The following SSRP1 variants were observed in gnomAD, a reference collection of about 807,000 sequenced individuals.
SSRP1 encodes FACT complex subunit SSRP1.
SSRP1 carries 21 observed loss-of-function variants against 84.4 expected under a neutral mutation model. That is an observed-to-expected ratio of 0.25 (90% confidence interval 0.18 to 0.36). The LOEUF (loss-of-function observed/expected upper bound fraction) is 0.36, where lower values mean the gene tolerates loss of function less well. Among genes scored for constraint, SSRP1 ranks in the 10% least tolerant of loss-of-function variants. SSRP1 has a pLI of 1.00. For missense variants in SSRP1, 519 were observed against 900.8 expected (o/e 0.58, Z 5.43); for synonymous variants, 319 against 318.3 (o/e 1.00, Z -0.02).
In SSRP1 at chr11:57,332,187, T is replaced by C. The variant is rs2230648; in HGVS notation, c.966A>G (p.Val322=). ...EMVSRVMKAL[V]NRKITVPGNF... is the part of the protein sequence containing the mutation. ...TGCCTGGCACTGTGATCTTGCGGTTTACCAGTGCTTTCATGACCCGGCTGA... is the reference window on the plus strand; with the variant it reads ...TGCCTGGCACTGTGATCTTGCGGTTCACCAGTGCTTTCATGACCCGGCTGA... Residue 322 remains valine (V), a synonymous_variant, in exon 8 of 17, where the codon GTA becomes GTG. Transcript: ENST00000278412. This position sits in a 1 kb window ranked among gnomAD's most constrained non-coding sequence, Gnocchi z 5.5. 67,530 of 1,613,868 alleles carry C rather than the reference T, an allele frequency of 0.042. 1,612 individuals carry two copies. The highest frequency in any genetic ancestry group is 0.044 in the South Asian group (4,018 of 91,066).
At position 57,335,430 on chromosome 11, in the gene SSRP1, C is replaced by T. The variant is rs1856195069; in HGVS notation, c.-119-190G>A. On this transcript the variant is annotated intron_variant, in intron 1 of 16. Transcript: ENST00000278412. The surrounding 1 kb of genome is among the most constrained non-coding windows in gnomAD (Gnocchi z 4.6). ...GGGTGGAGAACCGGGCCCGGAATAC[C>T]GCTGACACCCAACCCGACGCCCGCT... 1 of 355,788 alleles carries T rather than the reference C, an allele frequency of 2.8e-6. No individual in the cohort carries two copies. The highest frequency in any genetic ancestry group is 2.1e-5 in the African/African-American group (1 of 47,998). The allele number at this position is 355,788 out of a possible 1,614,324, so 22.0% of individuals were successfully genotyped here.
intron 13 of SSRP1, 74 bp from the exon 14 acceptor site, chr11:57,327,956 C>T (rs1856017316): frequency 1.3e-6 from 2 of 1,548,750 alleles, no homozygotes; most frequent in Non-Finnish European, 1.8e-6. Flanking sequence ...TTATTTAGAT[C>T]ACTTAACTTG....
intron 8 of SSRP1, 92 bp from the exon 9 acceptor site, chr11:57,331,981 G>T: frequency 6.7e-7 from 1 of 1,492,784 alleles, no homozygotes; most frequent in South Asian, 1.2e-5. Context: ...TCATGTCCTC[G>T]ACTAAGTAAA....
chr11:57,332,031 G>C lies in SSRP1; in HGVS notation c.1001+121C>G. Reference sequence around the variant, plus strand: ...TCTGACAGAGGCGCTGGCACCTATTGTGACACAAGGTCCCATCCAGGCCTC... The same window carrying C: ...TCTGACAGAGGCGCTGGCACCTATTCTGACACAAGGTCCCATCCAGGCCTC... On this transcript the variant is annotated intron_variant, in intron 8 of 16. Coordinates refer to ENST00000278412, the MANE Select transcript of SSRP1 (RefSeq NM_003146.3). The surrounding 1 kb of genome is among the most constrained non-coding windows in gnomAD (Gnocchi z 5.5). 1.9e-6 allele frequency: 3 copies of C among 1,549,774 alleles called. No individual in the cohort carries two copies. Among genetic ancestry groups the C allele is most frequent in the Non-Finnish European group, 1.8e-6 (2 of 1,140,358 alleles).
In SSRP1 at chr11:57,335,363, A is replaced by G. The variant is rs893386617; in HGVS notation, c.-119-123T>C. The G allele has an allele frequency of 8.2e-6, 4 of 490,506 alleles. No individual in the cohort carries two copies. The Admixed American group carries it at 1.3e-4, about 16-fold the overall frequency. The allele number at this position is 490,506 out of a possible 1,614,324, so 30.4% of individuals were successfully genotyped here. Reference sequence around the variant, plus strand: ...CAGGATTTCCTCTGCCTGGAAACCTACAGACGGACGCTGCAGTGCCCGAGG... The same window carrying G: ...CAGGATTTCCTCTGCCTGGAAACCTGCAGACGGACGCTGCAGTGCCCGAGG... On this transcript the variant is annotated intron_variant, in intron 1 of 16. Transcript: ENST00000278412. The surrounding 1 kb of genome is among the most constrained non-coding windows in gnomAD (Gnocchi z 4.6).
At chr11:57,327,622 G>A in intron 14 of SSRP1, 90 bp downstream of exon 14, 1 of 1,598,664 alleles carries the variant, frequency 6.3e-7, no homozygotes, top group East Asian at 2.2e-5. Flanking sequence ...GGCTCATACT[G>A]CTCCCCTATC....
chr11:57,334,937 A>G, intron 2 of SSRP1, 131 bp downstream of exon 2: 1 of 1,053,538 alleles, frequency 9.5e-7, no homozygotes, highest in Non-Finnish European at 1.5e-6. Context: ...GTTGGTGGAG[A>G]CACTAGGTAC....
Position 57,326,364 on chromosome 11 carries a change from G to A in SSRP1, c.*43C>T. 6.3e-7 allele frequency: 1 copy of A among 1,588,552 alleles called. No homozygotes were observed. The highest frequency in any genetic ancestry group is 8.6e-7 in the Non-Finnish European group (1 of 1,157,660). ...GTACCAAAATATGGGTGGGGAGTCGGGGGGTGTGAGAAGGCAAGCGCAAAG... is the reference window on the plus strand; with the variant it reads ...GTACCAAAATATGGGTGGGGAGTCGAGGGGTGTGAGAAGGCAAGCGCAAAG... On this transcript the variant is annotated 3_prime_UTR_variant, in exon 17 of 17. Coordinates refer to ENST00000278412, the MANE Select transcript of SSRP1 (RefSeq NM_003146.3).
In SSRP1 at chr11:57,335,352, C is replaced by T; in HGVS notation, c.-119-112G>A. Reference sequence around the variant, plus strand: ...CCTGGATGTCTCAGGATTTCCTCTGCCTGGAAACCTACAGACGGACGCTGC... The same window carrying T: ...CCTGGATGTCTCAGGATTTCCTCTGTCTGGAAACCTACAGACGGACGCTGC... On this transcript the variant is annotated intron_variant, in intron 1 of 16. Coordinates refer to ENST00000278412, the MANE Select transcript of SSRP1 (RefSeq NM_003146.3). This position sits in a 1 kb window ranked among gnomAD's most constrained non-coding sequence, Gnocchi z 4.6. 2 of 516,608 alleles carry T rather than the reference C, an allele frequency of 3.9e-6. No individual in the cohort carries two copies. Among genetic ancestry groups the T allele is most frequent in the Non-Finnish European group, 7.1e-6 (2 of 281,786 alleles). 32.0% of individuals were successfully genotyped at this position (516,608 alleles called of 1,614,324 possible).
rs773882533 is a variant in SSRP1 at position 57,332,841 on chromosome 11, A to G, written c.552T>C (p.Asn184=). 1.2e-6 allele frequency: 2 copies of G among 1,612,190 alleles called. No homozygotes were observed. Among genetic ancestry groups the G allele is most frequent in the Non-Finnish European group, 1.7e-6 (2 of 1,178,498 alleles). ...GGATTACATCCGCCTTTGACAACAC[A>G]TTCTGGGCAAAGGCCTGCAAAAGCA... The part of the protein sequence containing the change: ...GVDPVEAFAQ[N]VLSKADVIQA... The change falls in exon 6 of 17, where the codon AAT becomes AAC. Residue 184 remains asparagine, a synonymous_variant. Coordinates refer to ENST00000278412, the MANE Select transcript of SSRP1 (RefSeq NM_003146.3). The surrounding 1 kb of genome is among the most constrained non-coding windows in gnomAD (Gnocchi z 5.5).
In SSRP1 at chr11:57,333,185, C is replaced by T. The variant is rs1322737035; in HGVS notation, c.347-36G>A. ...AGGGCTTATCCAGCCACAAGCTCCT[C>T]CCCTTAAGTCTGCATAAGCAATATT... On this transcript the variant is annotated intron_variant, in intron 4 of 16. Transcript: ENST00000278412. 1.9e-6 allele frequency: 3 copies of T among 1,572,276 alleles called. No individual in the cohort carries two copies. In the African/African-American group the frequency reaches 4.1e-5, roughly 21 times the overall value.
rs1192486332 is a variant in SSRP1, at chr11:57,330,404, T to C, written c.1322A>G (p.Tyr441Cys). 2 of 1,614,110 alleles carry C rather than the reference T, an allele frequency of 1.2e-6. No individual in the cohort carries two copies. Among genetic ancestry groups the C allele is most frequent in the African/African-American group, 1.3e-5 (1 of 75,064 alleles). ...ATGCTGGTCCTCATCAGAGTCAGCA[T>C]ATTCATCGTAGCTTGGGTTCATGCC... ...KEGMNPSYDE[Y>C]ADSDEDQHDA... The change falls in exon 11 of 17, where the codon TAT (tyrosine) becomes TGT (cysteine). Residue 441 changes from tyrosine (Y) to cysteine (C), a missense_variant. By Grantham distance (194) the Tyr-to-Cys change is radical. Around this residue, in one of 7 missense-constraint regions of SSRP1, gnomAD observed 34 missense variants for 34.3 expected, o/e 0.99. Transcript: ENST00000278412. This position sits in a 1 kb window ranked among gnomAD's most constrained non-coding sequence, Gnocchi z 4.0.
At chr11:57,329,764 A>G (rs1856052998) in intron 12 of SSRP1, 1 of 428,398 alleles carries the variant, frequency 2.3e-6, no homozygotes, top group Non-Finnish European at 4.2e-6. Context: ...TTGAGATTCA[A>G]TGACTTACTC....
Position 57,330,588 on chromosome 11 carries a change from CAAGTACTTCCT to C in SSRP1, c.1297-170_1297-160del. On this transcript the variant is annotated intron_variant, in intron 10 of 16. Transcript: ENST00000278412. The surrounding 1 kb of genome is among the most constrained non-coding windows in gnomAD (Gnocchi z 4.0). ...ACAGCCAACGTGCAGGGCCTATGCC[CAAGTACTTCCT>C]GCCAACTGGGTTAGTCCAAGCCCCA... 1 of 1,428,038 alleles carries C rather than the reference CAAGTACTTCCT, an allele frequency of 7.0e-7. No individual in the cohort carries two copies. Among genetic ancestry groups the C allele is most frequent in the Non-Finnish European group, 9.2e-7 (1 of 1,087,290 alleles). 88.5% of individuals were successfully genotyped at this position (1,428,038 alleles called of 1,614,324 possible).
In SSRP1 at chr11:57,326,756, C is replaced by T; in HGVS notation, c.2005G>A (p.Asp669Asn). ...SFKSKEFVSS[D>N]ESSSGENKSK... ...TTGTTCTCTCCCGAAGAGCTCTCAT[C>T]ACTAGACACAAACTCTTTGCTCTTG... Residue 669 changes from aspartate (D) to asparagine (N), a missense_variant, in exon 16 of 17, where the codon GAT becomes AAT. By Grantham distance (23) the Asp-to-Asn change is conservative (BLOSUM62 1). Coordinates refer to ENST00000278412, the MANE Select transcript of SSRP1 (RefSeq NM_003146.3). 3 of 1,614,242 alleles carry T rather than the reference C, an allele frequency of 1.9e-6. No homozygotes were observed. Among genetic ancestry groups the T allele is most frequent in the East Asian group, 2.2e-5 (1 of 44,894 alleles).
Position 57,335,302 on chromosome 11 carries a change from A to G in SSRP1, c.-119-62T>C. The stretch of plus-strand genomic sequence containing the variant: ...AGCACCTCGCTGTGCTCACGGATGG[A>G]GCCAGGTAGCAACTCCCAGCTGCGC... On this transcript the variant is annotated intron_variant, in intron 1 of 16. Coordinates refer to ENST00000278412, the MANE Select transcript of SSRP1 (RefSeq NM_003146.3). The surrounding 1 kb of genome is among the most constrained non-coding windows in gnomAD (Gnocchi z 4.6). 1.6e-6 allele frequency: 1 copy of G among 641,260 alleles called. No homozygotes were observed. The highest frequency in any genetic ancestry group is 2.8e-6 in the Non-Finnish European group (1 of 357,180). 39.7% of individuals were successfully genotyped at this position (641,260 alleles called of 1,614,324 possible). A position where few individuals can be genotyped will look rare whatever the true frequency, so the allele number is the denominator to read the frequency against.
At chr11:57,326,579 A>AC (rs1411338128) in intron 16 of SSRP1, 101 bp from the exon 17 acceptor site, 10 of 973,970 alleles carry the variant, frequency 1.0e-5, no homozygotes, top group African/African-American at 1.7e-5. Flanking sequence ...CAACTACAGC[A>AC]CCCCCCTTCA....
chr11:57,331,183 C>CAAAATA (rs1565053450), intron 9 of SSRP1, among the ~76,000 whole-genome samples: 1 of 152,154 alleles, frequency 6.6e-6, no homozygotes, highest in Non-Finnish European at 1.5e-5. Context: ...CATCTGTTTA[C>CAAAATA]AAAATAAGCT....
chr11:57,331,979 T>G (rs892469594), intron 8 of SSRP1, 90 bp from the exon 9 acceptor site: 2 of 1,495,820 alleles, frequency 1.3e-6, no homozygotes, highest in East Asian at 2.4e-5. Context: ...GCTCATGTCC[T>G]CGACTAAGTA....
Sources: allele counts gnomAD v4.1 joint callset (sites outside exome capture counted in the v4.1 genomes callset), GRCh38; gene constraint gnomAD v4.1.1; regional missense constraint gnomAD v4.1.1; non-coding constraint Gnocchi (gnomAD v3.1); transcripts MANE v1.5; gene names NCBI Gene and HGNC (gene_info 2026-07-23, HGNC 2026-07-21).